Variants in BAZ1B observed in about 807,000 individuals in gnomAD.
The protein encoded by BAZ1B is bromodomain adjacent to zinc finger domain 1B.
A neutral mutation model predicts 153.8 loss-of-function variants in BAZ1B; 22 were observed. The observed-to-expected ratio is 0.14, with a 90% CI of 0.10 to 0.20. The LOEUF (loss-of-function observed/expected upper bound fraction) is 0.20, where lower values mean the gene tolerates loss of function less well. Ranked by LOEUF, BAZ1B falls within the 10% of genes least tolerant of loss-of-function variation. The probability of loss-of-function intolerance (pLI) is 1.00; values close to 1 mark genes in which losing one functional copy is unlikely to be tolerated. For missense variants in BAZ1B, 1,325 were observed against 1,799.3 expected (o/e 0.74, Z 4.77); for synonymous variants, 676 against 633.4 (o/e 1.07, Z -1.01).
intron 6 of BAZ1B, 85 bp downstream of exon 6, chr7:73,489,109 A>C: frequency 7.2e-7 from 1 of 1,380,692 alleles, no homozygotes; most frequent in South Asian, 1.3e-5. Context: ...AGAGTTCAAA[A>C]CCTGCTATAA....
intron 3 of BAZ1B, among the ~76,000 whole-genome samples, chr7:73,500,787 C>A (rs543715483): frequency 6.6e-6 from 1 of 151,098 alleles, no homozygotes; most frequent in South Asian, 2.1e-4. Context: ...GCTATTCAGG[C>A]AGCTGAGGCA....
chr7:73,509,092 C>G (rs1394657133), intron 2 of BAZ1B, among the ~76,000 whole-genome samples: 1 of 151,854 alleles, frequency 6.6e-6, no homozygotes, highest in Admixed American at 6.6e-5. Flanking sequence ...GAGGCCAAGG[C>G]GGGCAGATCA....
intron 1 of BAZ1B, among the ~76,000 whole-genome samples, chr7:73,521,185 G>C (rs932705063): frequency 2.6e-5 from 4 of 152,058 alleles, no homozygotes; most frequent in African/African-American, 9.7e-5. Flanking sequence ...GGGAAGGCAG[G>C]CATCAGCTCC....
At chr7:73,445,021 GAA>G (rs879982163) in intron 16 of BAZ1B, among the ~76,000 whole-genome samples, 7,481 of 76,356 alleles carry the variant, frequency 0.098, 211 homozygotes, top group Non-Finnish European at 0.11. Context: ...TCTCACAAAA[GAA>G]AAAAAACACA....
Position 73,500,300 on chromosome 7 carries a change from G to A in BAZ1B, c.370-1602C>T, listed in dbSNP as rs181637181. ...TGGCTGTAGTCCCAGCACTTTGGGA[G>A]GCCAAGGTGGGTGGACTGCTTGAGC... On this transcript the variant is annotated intron_variant, in intron 3 of 19. Coordinates refer to ENST00000339594, the MANE Select transcript of BAZ1B (RefSeq NM_032408.4). 8.5e-3 allele frequency among the ~76,000 whole-genome samples: 1,293 copies of A among 152,228 alleles called. 24 individuals are homozygous for A. Among genetic ancestry groups the A allele is most frequent in the East Asian group, 0.066 (341 of 5,170 alleles).
rs541047381 is a variant in BAZ1B, at chr7:73,477,060, T to A, written c.2401A>T (p.Met801Leu). The A allele has an allele frequency of 3.1e-5, 50 of 1,614,186 alleles. No individual in the cohort carries two copies. The South Asian group carries it at 5.3e-4, about 17-fold the overall frequency. Residue 801 changes from methionine to leucine, a missense_variant, in exon 7 of 20, where the codon ATG becomes TTG. This residue lies in a region of BAZ1B where 431 missense variants were observed against 563.5 expected (regional missense o/e 0.76). Coordinates refer to ENST00000339594, the MANE Select transcript of BAZ1B (RefSeq NM_032408.4). This position sits in a 1 kb window ranked among gnomAD's most constrained non-coding sequence, Gnocchi z 5.6. ...KRAEKQKRKE[M>L]EAKNKENGKV... ...CCATTTTCTTTATTTTTGGCTTCCA[T>A]TTCTTTCCGTTTCTGTTTCTCTGCT... is the stretch of plus-strand genomic sequence containing the variant.
intron 12 of BAZ1B, among the ~76,000 whole-genome samples, chr7:73,461,488 T>C (rs959926040): frequency 1.3e-5 from 2 of 152,106 alleles, no homozygotes; most frequent in African/African-American, 4.8e-5. Context: ...TAATGAACAT[T>C]TGCTACACAA....
chr7:73,487,902 C>G (rs1213818387), intron 6 of BAZ1B, among the ~76,000 whole-genome samples: 1 of 152,158 alleles, frequency 6.6e-6, no homozygotes, highest in African/African-American at 2.4e-5. Flanking sequence ...TCTTGCTGGT[C>G]TAGAATAAGA....
chr7:73,447,495 G>A (rs1175303134), intron 15 of BAZ1B, 116 bp from the exon 16 acceptor site: 63 of 1,254,728 alleles, frequency 5.0e-5, no homozygotes, highest in Non-Finnish European at 6.3e-5. Context: ...TATGTATAAC[G>A]TATGATAATT....
At position 73,447,494 on chromosome 7, in the gene BAZ1B, C is replaced by T. The variant is rs532666511; in HGVS notation, c.3729-115G>A. The T allele has an allele frequency of 2.9e-4, 370 of 1,277,332 alleles. 2 individuals carry two copies. In the African/African-American group the frequency reaches 3.6e-3, roughly 12 times the overall value. 79.1% of individuals were successfully genotyped at this position (1,277,332 alleles called of 1,614,324 possible). Reference sequence around the variant, plus strand: ...CTCTTCACAGACTACATATGTATAACGTATGATAATTCAGGGAGGGAACCT... The same window carrying T: ...CTCTTCACAGACTACATATGTATAATGTATGATAATTCAGGGAGGGAACCT... On this transcript the variant is annotated intron_variant, in intron 15 of 19. Coordinates refer to ENST00000339594, the MANE Select transcript of BAZ1B (RefSeq NM_032408.4).
rs781936428 is a variant in BAZ1B at position 73,465,459 on chromosome 7, A to T, written c.3051T>A (p.Leu1017=). ...LHPQGIRESQ[L]KERLEKRYQD... is the part of the protein sequence containing the mutation. ...CTTACCTCTTCTCTAGTCTCTCTTT[A>T]AGTTGACTTTCTCTTATTCCCTGAG... The change falls in exon 11 of 20, where the codon CTT becomes CTA. Residue 1017 remains leucine, a synonymous_variant. Coordinates refer to ENST00000339594, the MANE Select transcript of BAZ1B (RefSeq NM_032408.4). 4.3e-5 allele frequency: 69 copies of T among 1,605,998 alleles called. 1 individual carries two copies. In the Admixed American group the frequency reaches 1.2e-3, roughly 27 times the overall value.
intron 1 of BAZ1B, among the ~76,000 whole-genome samples, chr7:73,514,121 C>T (rs995203911): frequency 5.3e-5 from 8 of 152,128 alleles, no homozygotes; most frequent in Non-Finnish European, 7.3e-5. Flanking sequence ...CTTTGACGAT[C>T]ATGTTGGGGC....
intron 13 of BAZ1B, among the ~76,000 whole-genome samples, chr7:73,451,983 G>A (rs138887474): frequency 6.2e-4 from 95 of 152,322 alleles, no homozygotes; most frequent in African/African-American, 2.3e-3. Context: ...CTGTCCTCTA[G>A]TGGACATTCA....
At chr7:73,497,048 G>A (rs1280423731) in intron 4 of BAZ1B, among the ~76,000 whole-genome samples, 13 of 114,124 alleles carry the variant, frequency 1.1e-4, no homozygotes, top group African/African-American at 2.3e-4. Flanking sequence ...GAACAACATC[G>A]TGAGAACTGA....
chr7:73,483,900 A>C (rs903245638), intron 6 of BAZ1B, among the ~76,000 whole-genome samples: 23 of 152,134 alleles, frequency 1.5e-4, no homozygotes, highest in Non-Finnish European at 2.4e-4. Context: ...TCAGCCCCTC[A>C]AACTGCTGAA....
intron 6 of BAZ1B, among the ~76,000 whole-genome samples, chr7:73,488,032 T>C (rs549198705): frequency 1.3e-5 from 2 of 152,308 alleles, no homozygotes; most frequent in East Asian, 1.9e-4. Flanking sequence ...ACAAATTTAG[T>C]TGTTATGACT....
chr7:73,451,493 A>G (rs1459497414), intron 13 of BAZ1B, among the ~76,000 whole-genome samples: 1 of 152,178 alleles, frequency 6.6e-6, no homozygotes, highest in Non-Finnish European at 1.5e-5. Flanking sequence ...CCAAGGAACA[A>G]AGATAGTTGA....
In BAZ1B at chr7:73,476,415, T is replaced by C. The variant is rs185902386; in HGVS notation, c.2593+453A>G. Among the ~76,000 whole-genome samples the C allele has an allele frequency of 9.6e-3, 1,465 of 152,318 alleles. 10 individuals carry two copies. The highest frequency in any genetic ancestry group is 0.018 in the South Asian group (86 of 4,824). ...TTAAAGGACAGATTACTATCTGAGTTGGTGACCGTGCTAGGGGCTTCAAAT... is the reference window on the plus strand; with the variant it reads ...TTAAAGGACAGATTACTATCTGAGTCGGTGACCGTGCTAGGGGCTTCAAAT... On this transcript the variant is annotated intron_variant, in intron 7 of 19. Transcript: ENST00000339594.
At chr7:73,509,675 C>A (rs1790496347) in intron 2 of BAZ1B, among the ~76,000 whole-genome samples, 1 of 151,472 alleles carries the variant, frequency 6.6e-6, no homozygotes, top group African/African-American at 2.4e-5. Context: ...CTGCACTCCA[C>A]CCTGGGCAAC....
Sources: allele counts gnomAD v4.1 joint callset (sites outside exome capture counted in the v4.1 genomes callset), GRCh38; gene constraint gnomAD v4.1.1; regional missense constraint gnomAD v4.1.1; non-coding constraint Gnocchi (gnomAD v3.1); transcripts MANE v1.5; gene names NCBI Gene and HGNC (gene_info 2026-07-23, HGNC 2026-07-21).